WDPCP: variants seen among roughly 807,000 people sequenced by gnomAD.
The protein encoded by WDPCP is WD repeat containing planar cell polarity effector, also known as WD repeat-containing and planar cell polarity effector protein fritz homolog.
In WDPCP, 71 loss-of-function variants were observed where a neutral mutation model predicts 93.1. That is an observed-to-expected ratio of 0.76 (90% CI 0.63 to 0.93). The LOEUF (loss-of-function observed/expected upper bound fraction) is 0.93, where lower values mean the gene tolerates loss of function less well. WDPCP is among the 40% of genes least tolerant of loss of function. WDPCP has a pLI of 0.00. For synonymous variants in WDPCP, 315 were observed against 315.0 expected (o/e 1.00, Z 0.00); for missense variants, 844 against 887.4 (o/e 0.95, Z 0.62).
chr2:63,522,479 C>CACACAG (rs1156777924), intron 1 of WDPCP, among the ~76,000 whole-genome samples: 1 of 151,262 alleles, frequency 6.6e-6, no homozygotes, highest in Non-Finnish European at 1.5e-5. Flanking sequence ...CACACACACA[C>CACACAG]ACACACACAC....
At chr2:63,461,574 C>T (rs1202398531) in intron 6 of WDPCP, among the ~76,000 whole-genome samples, 2 of 152,072 alleles carry the variant, frequency 1.3e-5, no homozygotes, top group African/African-American at 4.8e-5. Context: ...AATGCAAGAA[C>T]GGCCTAATAC....
chr2:63,119,762 T>C lies in WDPCP; in HGVS notation c.*2244A>G, dbSNP rs2153392685. 6.6e-6 allele frequency among the ~76,000 whole-genome samples: 1 copy of C among 152,330 alleles called. No homozygotes were observed. The highest frequency in any genetic ancestry group is 2.1e-4 in the South Asian group (1 of 4,826). On this transcript the variant is annotated 3_prime_UTR_variant, in exon 18 of 18. Coordinates refer to ENST00000272321, the MANE Select transcript of WDPCP (RefSeq NM_015910.7). The stretch of plus-strand genomic sequence containing the variant: ...TTCCTGCCTATACCACTCTTCTTAC[T>C]TTAGAGCTATGGTAGCCCCTTCATA...
intron 3 of WDPCP, among the ~76,000 whole-genome samples, chr2:63,614,459 G>A (rs1453181252): frequency 6.6e-6 from 1 of 152,170 alleles, no homozygotes; most frequent in African/African-American, 2.4e-5. Context: ...AGAGGGAGAT[G>A]GCACTGTTAG....
chr2:63,389,820 G>A (rs912410336), intron 10 of WDPCP, among the ~76,000 whole-genome samples: 1 of 152,138 alleles, frequency 6.6e-6, no homozygotes, highest in Non-Finnish European at 1.5e-5. Context: ...TAATGGTAAA[G>A]GGATCAATTC....
chr2:63,221,531 C>G (rs568713705), intron 14 of WDPCP, among the ~76,000 whole-genome samples: 1 of 152,292 alleles, frequency 6.6e-6, no homozygotes, highest in African/African-American at 2.4e-5. Flanking sequence ...ACATCCATAG[C>G]AACAGTTTCC....
At chr2:63,156,222 C>T (rs534199010) in intron 15 of WDPCP, among the ~76,000 whole-genome samples, 17 of 151,326 alleles carry the variant, frequency 1.1e-4, no homozygotes, top group East Asian at 7.9e-4. Flanking sequence ...AGGCTGGTCT[C>T]GAACTCCTGA....
At chr2:63,152,993 G>C (rs1671985570) in intron 16 of WDPCP, 48 bp from the exon 17 acceptor site, 1 of 1,556,530 alleles carries the variant, frequency 6.4e-7, no homozygotes, top group African/African-American at 1.4e-5. Flanking sequence ...TCTAATAATG[G>C]ACCTTAAGAA....
intron 17 of WDPCP, among the ~76,000 whole-genome samples, chr2:63,149,336 G>T (rs1236308075): frequency 1.3e-5 from 2 of 152,082 alleles, no homozygotes; most frequent in African/African-American, 4.8e-5. Context: ...CAGCTACTAG[G>T]GATGGCAAAC....
chr2:63,414,031 A>G (rs1216367279), intron 9 of WDPCP, among the ~76,000 whole-genome samples: 1 of 152,178 alleles, frequency 6.6e-6, no homozygotes, highest in Non-Finnish European at 1.5e-5. Flanking sequence ...GGAATGGACA[A>G]TTCTCAAAAG....
At chr2:63,386,134 T>C (rs1369767437) in intron 10 of WDPCP, among the ~76,000 whole-genome samples, 1 of 152,084 alleles carries the variant, frequency 6.6e-6, no homozygotes, top group African/African-American at 2.4e-5. Flanking sequence ...AAGAAAATCC[T>C]TGTGACCCTG....
chr2:63,382,099 C>G lies in WDPCP; in HGVS notation c.1436-5G>C. The G allele has an allele frequency of 1.9e-6, 3 of 1,611,592 alleles. No individual in the cohort carries two copies. In the African/African-American group the frequency reaches 4.0e-5, roughly 21 times the overall value. On this transcript the variant is annotated splice_region_variant and splice_polypyrimidine_tract_variant and intron_variant, in intron 10 of 17. Transcript: ENST00000272321. ...GCTGTCCTCGAGTGAAGACGCCTAT[C>G]ACAAAACATGGAAAACCAGGTGAAT...
intron 2 of WDPCP, among the ~76,000 whole-genome samples, chr2:63,723,671 ACT>A (rs143566768): frequency 0.18 from 27,660 of 152,180 alleles, 2,743 homozygotes; most frequent in Middle Eastern, 0.27. Context: ...AACAACTTAA[ACT>A]GCTGATGAGT....
intron 14 of WDPCP, among the ~76,000 whole-genome samples, chr2:63,257,337 T>A (rs371736632): frequency 6.6e-6 from 1 of 152,102 alleles, no homozygotes; most frequent in Non-Finnish European, 1.5e-5. Context: ...TTGAGGGAAT[T>A]TGAAAGAAAA....
chr2:63,659,443 G>A (rs1369066312), intron 2 of WDPCP, among the ~76,000 whole-genome samples: 4 of 152,138 alleles, frequency 2.6e-5, no homozygotes, highest in African/African-American at 4.8e-5. Flanking sequence ...GGGCAATTGC[G>A]TGTATCCTTA....
chr2:63,671,229 T>C (rs542110120), intron 2 of WDPCP, among the ~76,000 whole-genome samples: 1 of 152,320 alleles, frequency 6.6e-6, no homozygotes, highest in Non-Finnish European at 1.5e-5. Flanking sequence ...GTCCAGCTCC[T>C]GACTCTGAAA....
At chr2:63,313,878 A>G (rs201729535) in intron 12 of WDPCP, among the ~76,000 whole-genome samples, 26 of 3,598 alleles carry the variant, frequency 7.2e-3, no homozygotes, top group East Asian at 0.091. Context: ...ATATATATAT[A>G]TATATATATT....
At chr2:63,332,237 T>A (rs895620795) in intron 12 of WDPCP, among the ~76,000 whole-genome samples, 7 of 151,876 alleles carry the variant, frequency 4.6e-5, no homozygotes, top group African/African-American at 1.7e-4. Flanking sequence ...CTAACAGAAA[T>A]ACATATATAT....
chr2:63,354,574 G>A (rs903315999), intron 12 of WDPCP, among the ~76,000 whole-genome samples: 2 of 152,116 alleles, frequency 1.3e-5, no homozygotes, highest in African/African-American at 4.8e-5. Context: ...AAGTCTAAGT[G>A]CCACCAGCTG....
chr2:63,269,073 T>C (rs1344871956), intron 13 of WDPCP, among the ~76,000 whole-genome samples: 1 of 152,164 alleles, frequency 6.6e-6, no homozygotes, highest in African/African-American at 2.4e-5. Flanking sequence ...CTTTATAAAA[T>C]TAAAATGTCA....
Sources: allele counts gnomAD v4.1 joint callset (sites outside exome capture counted in the v4.1 genomes callset), GRCh38; gene constraint gnomAD v4.1.1; transcripts MANE v1.5; gene names NCBI Gene and HGNC (gene_info 2026-07-23, HGNC 2026-07-21).